CCDC66: variants seen among roughly 807,000 people sequenced by gnomAD.
The protein encoded by CCDC66 is coiled-coil domain containing 66, also known as coiled-coil domain-containing protein 66.
A neutral mutation model predicts 128.3 loss-of-function variants in CCDC66; 133 were observed. The ratio of observed to expected loss-of-function variants is 1.04; its 90% confidence interval spans 0.90 to 1.20. The LOEUF (loss-of-function observed/expected upper bound fraction) is 1.20. CCDC66 is among the 50% of genes most tolerant of loss of function. The pLI is 0.00. For synonymous variants in CCDC66, 387 were observed against 357.0 expected (o/e 1.08, Z -0.95); for missense variants, 1,126 against 1,075.5 (o/e 1.05, Z -0.66).
chr3:56,581,861 T>C (rs2068444771), intron 7 of CCDC66, among the ~76,000 whole-genome samples: 1 of 151,776 alleles, frequency 6.6e-6, no homozygotes, highest in African/African-American at 2.4e-5. Flanking sequence ...ACTCGGTGGT[T>C]AGGGACCCAC....
At chr3:56,592,766 T>C (rs2071152740) in intron 7 of CCDC66, among the ~76,000 whole-genome samples, 1 of 152,184 alleles carries the variant, frequency 6.6e-6, no homozygotes, top group South Asian at 2.1e-4. Flanking sequence ...ATATCTCTGA[T>C]CTAGTATATT....
At position 56,617,183 on chromosome 3, in the gene CCDC66, A is replaced by G. The variant is rs1385551861; in HGVS notation, c.1915A>G (p.Asn639Asp). ...CGSLMERDITNCSSPEISAEL... is the reference protein window; with the variant it reads ...CGSLMERDITDCSSPEISAEL... ...ATCATTAATGGAGAGGGACATCACA[A>G]ATTGTTCATCTCCTGAGATTTCGGC... Residue 639 changes from asparagine to aspartate, a missense_variant, in exon 14 of 18, where the codon AAT becomes GAT. By Grantham distance (23) the Asn-to-Asp change is conservative. Transcript: ENST00000394672. 6.2e-7 allele frequency: 1 copy of G among 1,612,956 alleles called. No homozygotes were observed. Among genetic ancestry groups the G allele is most frequent in the South Asian group, 1.1e-5 (1 of 90,700 alleles).
intron 7 of CCDC66, among the ~76,000 whole-genome samples, chr3:56,582,108 G>A (rs1459106259): frequency 6.6e-6 from 1 of 151,938 alleles, no homozygotes; most frequent in Non-Finnish European, 1.5e-5. Context: ...TCAAGCCTCA[G>A]CAATAGGGGA....
intron 10 of CCDC66, among the ~76,000 whole-genome samples, chr3:56,613,191 G>T (rs998037088): frequency 1.3e-5 from 2 of 152,186 alleles, no homozygotes; most frequent in Admixed American, 1.3e-4. Context: ...CTCTTGAGCA[G>T]TGCTTTCATG....
At chr3:56,599,232 T>G (rs2072711590) in intron 10 of CCDC66, among the ~76,000 whole-genome samples, 1 of 152,088 alleles carries the variant, frequency 6.6e-6, no homozygotes, top group African/African-American at 2.4e-5. Context: ...CCTCTGATGA[T>G]CTCTTGTATT....
At position 56,617,234 on chromosome 3, in the gene CCDC66, A is replaced by T; in HGVS notation, c.1966A>T (p.Lys656Ter). Residue 656 changes from lysine (K) to a stop codon, truncating the protein, a stop_gained, in exon 14 of 18, where the codon AAG becomes TAG. Transcript: ENST00000394672. LOFTEE classifies it high-confidence loss of function. Reference sequence around the variant, plus strand: ...AGAACTTATTGGACAGTTTAGCACCAAGAAAAACAAGCAAGAACTAACTCA... The same window carrying T: ...AGAACTTATTGGACAGTTTAGCACCTAGAAAAACAAGCAAGAACTAACTCA... ...SAELIGQFST[K>*]KNKQELTQDK... 2 of 1,614,052 alleles carry T rather than the reference A, an allele frequency of 1.2e-6. No individual in the cohort carries two copies. Among genetic ancestry groups the T allele is most frequent in the Non-Finnish European group, 1.7e-6 (2 of 1,179,980 alleles).
intron 10 of CCDC66, among the ~76,000 whole-genome samples, chr3:56,594,983 A>G (rs1328072986): frequency 6.6e-6 from 1 of 152,202 alleles, no homozygotes; most frequent in Non-Finnish European, 1.5e-5. Flanking sequence ...GTAGAACTTG[A>G]CAGTACAAAT....
At chr3:56,568,722 A>T (rs2066222876) in intron 6 of CCDC66, among the ~76,000 whole-genome samples, 1 of 152,208 alleles carries the variant, frequency 6.6e-6, no homozygotes, top group African/African-American at 2.4e-5. Flanking sequence ...AAACATTCTA[A>T]TGAAGAAGAA....
chr3:56,564,680 A>G (rs973600035), intron 4 of CCDC66, among the ~76,000 whole-genome samples: 2 of 152,166 alleles, frequency 1.3e-5, no homozygotes, highest in Non-Finnish European at 1.5e-5. Flanking sequence ...CTGGCATTGT[A>G]TTGTGTTTTT....
At chr3:56,615,813 G>T (rs1045266337) in intron 12 of CCDC66, 109 bp from the exon 13 acceptor site, 3 of 863,490 alleles carry the variant, frequency 3.5e-6, no homozygotes, top group Non-Finnish European at 5.0e-6. Context: ...AATTTTTATT[G>T]CAGTGTTCAT....
Position 56,605,907 on chromosome 3 carries a change from G to C in CCDC66, c.1405-7682G>C, listed in dbSNP as rs1019977071. On this transcript the variant is annotated intron_variant, in intron 10 of 17. Coordinates refer to ENST00000394672, the MANE Select transcript of CCDC66 (RefSeq NM_001141947.3). ...CCCCCTGGTGCTCTGCCTCAGAGAGGTAGGGGTTTTATCTATAAGCCCCTG... is the reference window on the plus strand; with the variant it reads ...CCCCCTGGTGCTCTGCCTCAGAGAGCTAGGGGTTTTATCTATAAGCCCCTG... 5.9e-5 allele frequency among the ~76,000 whole-genome samples: 9 copies of C among 152,152 alleles called. 1 individual carries two copies. The highest frequency in any genetic ancestry group is 1.3e-4 in the Admixed American group (2 of 15,294).
At position 56,619,141 on chromosome 3, in the gene CCDC66, C is replaced by T. The variant is rs977577563; in HGVS notation, c.2379-130C>T. 9 of 715,536 alleles carry T rather than the reference C, an allele frequency of 1.3e-5. No homozygotes were observed. In the Admixed American group the frequency reaches 2.3e-4, roughly 18 times the overall value. The allele number at this position is 715,536 out of a possible 1,614,324, so 44.3% of individuals were successfully genotyped here. On this transcript the variant is annotated intron_variant, in intron 15 of 17. Coordinates refer to ENST00000394672, the MANE Select transcript of CCDC66 (RefSeq NM_001141947.3). ...GCTGAAGCAGGAGAGTTGCAGTGAG[C>T]TGAGATCGCGCCACTGCACTCCAGC... is the stretch of plus-strand genomic sequence containing the variant.
chr3:56,558,980 A>C (rs1426037744), intron 2 of CCDC66, 70 bp downstream of exon 2: 33 of 1,133,144 alleles, frequency 2.9e-5, no homozygotes, highest in Non-Finnish European at 4.2e-5. Context: ...TTAGTTCAAC[A>C]GACTTTTTGC....
intron 10 of CCDC66, among the ~76,000 whole-genome samples, chr3:56,598,531 G>C (rs1046672793): frequency 4.6e-5 from 7 of 151,898 alleles, no homozygotes; most frequent in Admixed American, 6.6e-5. Context: ...TCCCCATTAA[G>C]TATGATGTTA....
At chr3:56,566,275 C>T (rs2065848541) in intron 4 of CCDC66, among the ~76,000 whole-genome samples, 2 of 152,100 alleles carry the variant, frequency 1.3e-5, no homozygotes, top group Non-Finnish European at 2.9e-5. Flanking sequence ...CAGGCACGTG[C>T]CACCACACCT....
At chr3:56,583,098 T>G (rs1577498212) in intron 7 of CCDC66, among the ~76,000 whole-genome samples, 1 of 151,328 alleles carries the variant, frequency 6.6e-6, no homozygotes, top group Non-Finnish European at 1.5e-5. Context: ...AACTCCTGGG[T>G]TCAAGCAGTG....
At chr3:56,608,930 G>A (rs1404156654) in intron 10 of CCDC66, among the ~76,000 whole-genome samples, 3 of 152,076 alleles carry the variant, frequency 2.0e-5, no homozygotes, top group Non-Finnish European at 4.4e-5. Flanking sequence ...GTTCCTTTTG[G>A]AGTTGATTTC....
Position 56,563,840 on chromosome 3 carries a change from A to G in CCDC66, c.259A>G (p.Met87Val). 6.4e-7 allele frequency: 1 copy of G among 1,571,766 alleles called. No homozygotes were observed. Among genetic ancestry groups the G allele is most frequent in the African/African-American group, 1.4e-5 (1 of 73,626 alleles). ...TSQAKGEKNG[M>V]TFSSTKDLCK... is the part of the protein sequence containing the mutation. The stretch of plus-strand genomic sequence containing the variant: ...ACAGGCAAAAGGTGAAAAAAATGGA[A>G]TGACTTTTTCATCCACTAAGGATTT... Residue 87 changes from methionine (M) to valine (V), a missense_variant, in exon 4 of 18, where the codon ATG becomes GTG. Transcript: ENST00000394672.
intron 7 of CCDC66, 87 bp downstream of exon 7, chr3:56,571,389 T>C: frequency 2.8e-6 from 2 of 709,562 alleles, no homozygotes; most frequent in East Asian, 4.8e-5. Context: ...AAAAAAAAAG[T>C]TTTTTTTTTG....
Sources: gnomAD v4.1 joint callset for allele counts (sites outside exome capture counted in the v4.1 genomes callset) on GRCh38, gnomAD v4.1.1 for gene constraint, MANE v1.5 for transcripts, NCBI Gene and HGNC (gene_info 2026-07-23, HGNC 2026-07-21) for gene names.